Variants in SLC13A5 observed in about 807,000 individuals in gnomAD.
SLC13A5 encodes Na(+)/citrate cotransporter.
Under a neutral mutation model 56.5 loss-of-function variants are expected in SLC13A5, and 25 were observed. The observed-to-expected ratio is 0.44, with a 90% CI of 0.32 to 0.62. The LOEUF (loss-of-function observed/expected upper bound fraction) is 0.62, where lower values mean the gene tolerates loss of function less well. Ranked by LOEUF, SLC13A5 falls within the 20% of genes least tolerant of loss-of-function variation. The probability of loss-of-function intolerance (pLI) is 0.04; values close to 1 mark genes in which losing one functional copy is unlikely to be tolerated. For synonymous variants in SLC13A5, 307 were observed against 301.5 expected (o/e 1.02, Z -0.19); for missense variants, 649 against 737.8 (o/e 0.88, Z 1.39).
intron 1 of SLC13A5, among the ~76,000 whole-genome samples, chr17:6,708,808 G>A (rs115726133): frequency 0.013 from 2,032 of 152,168 alleles, 39 homozygotes; most frequent in African/African-American, 0.045. Context: ...GCACGCCCAC[G>A]CTCACTCAGA....
At chr17:6,710,886 A>G (rs995458207) in intron 1 of SLC13A5, among the ~76,000 whole-genome samples, 1 of 152,190 alleles carries the variant, frequency 6.6e-6, no homozygotes, top group Non-Finnish European at 1.5e-5. Context: ...TATATCTTAC[A>G]GATTTGCAAA....
rs1567622040 is a variant in SLC13A5 at position 6,702,987 on chromosome 17, G to GAGC, written c.696_698dup (p.Leu234dup). 6.2e-7 allele frequency: 1 copy of GAGC among 1,614,154 alleles called. No homozygotes were observed. The highest frequency in any genetic ancestry group is 1.3e-5 in the African/African-American group (1 of 75,068). On this transcript the variant is annotated inframe_insertion, in exon 5 of 12. Transcript: ENST00000433363. ...GGACTCACTCGTTCATCTGGCCCAG[G>GAGC]AGCACCACGTTGGGTCCCGTCCCGG...
intron 6 of SLC13A5, among the ~76,000 whole-genome samples, chr17:6,698,836 A>T (rs190229473): frequency 6.6e-6 from 1 of 152,064 alleles, no homozygotes; most frequent in Non-Finnish European, 1.5e-5. Flanking sequence ...TTAGGAGTTC[A>T]AGACCAGCCT....
intron 11 of SLC13A5, 146 bp from the exon 12 acceptor site, chr17:6,686,484 C>T (rs1052114353): frequency 1.7e-5 from 16 of 923,340 alleles, no homozygotes; most frequent in African/African-American, 1.2e-4. Context: ...CAGGACAGTG[C>T]GACTTCATGT....
chr17:6,693,992 G>C, intron 8 of SLC13A5, 105 bp downstream of exon 8: 1 of 579,066 alleles, frequency 1.7e-6, no homozygotes, highest in Non-Finnish European at 2.9e-6. Flanking sequence ...AATCCTCTTG[G>C]ATATGATGGG....
rs1049705398 is a variant in SLC13A5 at position 6,701,424 on chromosome 17, C to T, written c.717-298G>A. On this transcript the variant is annotated intron_variant, in intron 5 of 11. Transcript: ENST00000433363. The surrounding 1 kb of genome is among the most constrained non-coding windows in gnomAD (Gnocchi z 4.1). ...GGCCCATCCCTCCAGAAAAATACAA[C>T]TTTGTGGCCGGGCGCAGGGGCTCAC... Among the ~76,000 whole-genome samples, 2 of 152,210 alleles carry T rather than the reference C, an allele frequency of 1.3e-5. No homozygotes were observed. Among genetic ancestry groups the T allele is most frequent in the African/African-American group, 4.8e-5 (2 of 41,466 alleles).
rs1433782627 is a variant in SLC13A5, at chr17:6,701,192, G to A, written c.717-66C>T. 13 of 1,598,054 alleles carry A rather than the reference G, an allele frequency of 8.1e-6. No homozygotes were observed. Among genetic ancestry groups the A allele is most frequent in the Non-Finnish European group, 1.0e-5 (12 of 1,172,188 alleles). Reference sequence around the variant, plus strand: ...TGGGAGCCAGCCTGGCCCTGTGCGTGGGGACGGAGCAGCAGCTGGGCCCTG... The same window carrying A: ...TGGGAGCCAGCCTGGCCCTGTGCGTAGGGACGGAGCAGCAGCTGGGCCCTG... On this transcript the variant is annotated intron_variant, in intron 5 of 11. Coordinates refer to ENST00000433363, the MANE Select transcript of SLC13A5 (RefSeq NM_177550.5). This position sits in a 1 kb window ranked among gnomAD's most constrained non-coding sequence, Gnocchi z 4.1.
At position 6,700,855 on chromosome 17, in the gene SLC13A5, C is replaced by T. The variant is rs1206626851; in HGVS notation, c.839+149G>A. On this transcript the variant is annotated intron_variant, in intron 6 of 11. Transcript: ENST00000433363. Reference sequence around the variant, plus strand: ...AGTGAGCAGCCTGGGTTCGAAGGAACAGGAGGGCAGACTAGCAGGAGACAG... The same window carrying T: ...AGTGAGCAGCCTGGGTTCGAAGGAATAGGAGGGCAGACTAGCAGGAGACAG... 25 of 1,174,018 alleles carry T rather than the reference C, an allele frequency of 2.1e-5. No individual in the cohort carries two copies. The East Asian group carries it at 2.5e-4, about 12-fold the overall frequency. 72.7% of individuals were successfully genotyped at this position (1,174,018 alleles called of 1,614,324 possible).
At chr17:6,688,021 C>T (rs1460334636) in intron 10 of SLC13A5, 5 of 172,960 alleles carry the variant, frequency 2.9e-5, no homozygotes, top group African/African-American at 4.7e-5. Flanking sequence ...GCCTAGAGGC[C>T]AGGGACCACA....
chr17:6,703,298 G>A (rs975228785), intron 4 of SLC13A5, among the ~76,000 whole-genome samples, 160 bp from the exon 5 acceptor site: 1 of 152,240 alleles, frequency 6.6e-6, no homozygotes, highest in South Asian at 2.1e-4. Context: ...GGATGTGCCC[G>A]ATTCCTCTCT....
rs1973696382 is a variant in SLC13A5, at chr17:6,700,986, T to C, written c.839+18A>G. ...GGCATAATTAGGCATAATTAGGCTG[T>C]GAGCAGCTCAAACTTACTTGAATCT... On this transcript the variant is annotated intron_variant, in intron 6 of 11. Transcript: ENST00000433363. The C allele has an allele frequency of 6.2e-7, 1 of 1,613,910 alleles. No homozygotes were observed. Among genetic ancestry groups the C allele is most frequent in the Admixed American group, 1.7e-5 (1 of 60,030 alleles).
rs1974026256 is a variant in SLC13A5, at chr17:6,711,524, T to TTGTGTTTTTTG, written c.102+1697_102+1707dup. ...TGTGTGTGTATGTGTATGTGTGTGT[T>TTGTGTTTTTTG]TGTGTTTTTTGTGTGTTTTGTGTGT... On this transcript the variant is annotated intron_variant, in intron 1 of 11. Coordinates refer to ENST00000433363, the MANE Select transcript of SLC13A5 (RefSeq NM_177550.5). The surrounding 1 kb of genome is among the most constrained non-coding windows in gnomAD (Gnocchi z 4.0). Among the ~76,000 whole-genome samples, 1 of 140,686 alleles carries TTGTGTTTTTTG rather than the reference T, an allele frequency of 7.1e-6. No homozygotes were observed. Among genetic ancestry groups the TTGTGTTTTTTG allele is most frequent in the Non-Finnish European group, 1.6e-5 (1 of 63,850 alleles). 92.3% of individuals were successfully genotyped at this position (140,686 alleles called of 152,430 possible). A position where few individuals can be genotyped will look rare whatever the true frequency, so the allele number is the denominator to read the frequency against.
Position 6,685,670 on chromosome 17 carries a change from G to T in SLC13A5, c.*537C>A, listed in dbSNP as rs1160392093. ...GGCTCTGATTCCCACTCGCACTCCA[G>T]CAGTGGGAGGTTGCTCAAGACCAGG... is the stretch of plus-strand genomic sequence containing the variant. On this transcript the variant is annotated 3_prime_UTR_variant, in exon 12 of 12. Coordinates refer to ENST00000433363, the MANE Select transcript of SLC13A5 (RefSeq NM_177550.5). The surrounding 1 kb of genome is among the most constrained non-coding windows in gnomAD (Gnocchi z 4.2). The T allele has an allele frequency of 6.3e-6, 1 of 158,018 alleles. No homozygotes were observed. The highest frequency in any genetic ancestry group is 1.9e-4 in the South Asian group (1 of 5,404). The allele number at this position is 158,018 out of a possible 1,614,324, so 9.8% of individuals were successfully genotyped here.
At chr17:6,694,384 T>C (rs903049204) in intron 7 of SLC13A5, among the ~76,000 whole-genome samples, 187 bp from the exon 8 acceptor site, 1 of 152,128 alleles carries the variant, frequency 6.6e-6, no homozygotes, top group Admixed American at 6.6e-5. Flanking sequence ...TTTGGGAGGC[T>C]GAGGCGGGCG....
At chr17:6,707,206 AC>A (rs1205656933) in intron 1 of SLC13A5, 50 bp from the exon 2 acceptor site, 1 of 1,603,974 alleles carries the variant, frequency 6.2e-7, no homozygotes, top group Admixed American at 1.7e-5. Context: ...CCCTCTCCCC[AC>A]CCCCAGAACA....
rs907914369 is a variant in SLC13A5 at position 6,687,619 on chromosome 17, G to C, written c.1485C>G (p.Thr495=). ...ACATGAAGGCAAAGGAGGCACTCAGGGTACAGGGCAGCATGATGTACAGCG... is the reference window on the plus strand; with the variant it reads ...ACATGAAGGCAAAGGAGGCACTCAGCGTACAGGGCAGCATGATGTACAGCG... The part of the protein sequence containing the change: ...LNPLYIMLPC[T]LSASFAFMLP... The change falls in exon 11 of 12, where the codon ACC becomes ACG. Residue 495 remains threonine (T), a synonymous_variant. Transcript: ENST00000433363. This position sits in a 1 kb window ranked among gnomAD's most constrained non-coding sequence, Gnocchi z 5.0. 10 of 1,613,442 alleles carry C rather than the reference G, an allele frequency of 6.2e-6. No individual in the cohort carries two copies. Among genetic ancestry groups the C allele is most frequent in the Non-Finnish European group, 8.5e-6 (10 of 1,179,876 alleles).
chr17:6,691,837 G>T (rs1016978393), intron 9 of SLC13A5, among the ~76,000 whole-genome samples: 1 of 152,130 alleles, frequency 6.6e-6, no homozygotes, highest in Middle Eastern at 3.2e-3. Flanking sequence ...TCCTTCAGTG[G>T]CTGTCTACTG....
At chr17:6,686,426 C>A in intron 11 of SLC13A5, 88 bp from the exon 12 acceptor site, 1 of 1,541,680 alleles carries the variant, frequency 6.5e-7, no homozygotes, top group Non-Finnish European at 8.9e-7. Context: ...CACTGGGCCT[C>A]GATGTCCCTG....
In SLC13A5 at chr17:6,686,278, T is replaced by A. The variant is rs773284114; in HGVS notation, c.1636A>T (p.Thr546Ser). Residue 546 changes from threonine to serine, a missense_variant, in exon 12 of 12, where the codon ACC (threonine) becomes TCC (serine). Thr to Ser is a moderately conservative substitution (Grantham distance 58). Coordinates refer to ENST00000433363, the MANE Select transcript of SLC13A5 (RefSeq NM_177550.5). Reference sequence around the variant, plus strand: ...AAGTCAAATATGGCCCGTCCCCAGGTGTTGACAGCCAAAAACACACAGAAG... The same window carrying A: ...AAGTCAAATATGGCCCGTCCCCAGGAGTTGACAGCCAAAAACACACAGAAG... ...GVFCVFLAVN[T>S]WGRAIFDLDH... The A allele has an allele frequency of 6.2e-7, 1 of 1,613,988 alleles. No individual in the cohort carries two copies. Among genetic ancestry groups the A allele is most frequent in the Non-Finnish European group, 8.5e-7 (1 of 1,179,950 alleles).
Sources: gnomAD v4.1 joint callset for allele counts (sites outside exome capture counted in the v4.1 genomes callset) on GRCh38, gnomAD v4.1.1 for gene constraint, Gnocchi (gnomAD v3.1) non-coding constraint, MANE v1.5 for transcripts, NCBI Gene and HGNC (gene_info 2026-07-23, HGNC 2026-07-21) for gene names.